PPAT: variants seen among roughly 807,000 people sequenced by gnomAD.
PPAT encodes amidophosphoribosyltransferase.
PPAT carries 20 observed loss-of-function variants against 60.2 expected under a neutral mutation model. That is an observed-to-expected ratio of 0.33 (90% CI 0.23 to 0.48). PPAT has a LOEUF of 0.48. PPAT is among the 20% of genes least tolerant of loss of function. The pLI, the probability that PPAT is intolerant of heterozygous loss-of-function variation, is 0.99. For synonymous variants in PPAT, 194 were observed against 215.1 expected (o/e 0.90, Z 0.86); for missense variants, 349 against 629.6 (o/e 0.55, Z 4.77).
At chr4:56,403,548 CT>C in intron 3 of PPAT, 147 bp from the exon 4 acceptor site, 2 of 621,308 alleles carry the variant, frequency 3.2e-6, no homozygotes, top group Non-Finnish European at 5.5e-6. Flanking sequence ...AGTCCCCAAC[CT>C]TTTTGGCACC....
In PPAT at chr4:56,407,720, T is replaced by C. The variant is rs1216949636; in HGVS notation, c.129-4A>G. 6.3e-7 allele frequency: 1 copy of C among 1,595,926 alleles called. No homozygotes were observed. Among genetic ancestry groups the C allele is most frequent in the Admixed American group, 1.7e-5 (1 of 59,996 alleles). The stretch of plus-strand genomic sequence containing the variant: ...AATACCAGCACTCTCCTGACCCCTG[T>C]GAATATAAAAAGATATTAGCTGTTA... On this transcript the variant is annotated splice_region_variant and splice_polypyrimidine_tract_variant and intron_variant, in intron 1 of 10. Transcript: ENST00000264220.
chr4:56,404,959 C>T (rs1458644171), intron 3 of PPAT, among the ~76,000 whole-genome samples: 2 of 152,190 alleles, frequency 1.3e-5, no homozygotes, highest in Middle Eastern at 3.4e-3. Flanking sequence ...CCATCTATTA[C>T]TAAATATCAC....
chr4:56,396,899 A>C lies in PPAT; in HGVS notation c.1237-160T>G. 1.7e-6 allele frequency: 1 copy of C among 597,136 alleles called. No homozygotes were observed. Among genetic ancestry groups the C allele is most frequent in the Non-Finnish European group, 2.6e-6 (1 of 387,796 alleles). 37.0% of individuals were successfully genotyped at this position (597,136 alleles called of 1,614,324 possible). On this transcript the variant is annotated intron_variant, in intron 9 of 10. Coordinates refer to ENST00000264220, the MANE Select transcript of PPAT (RefSeq NM_002703.5). This position sits in a 1 kb window ranked among gnomAD's most constrained non-coding sequence, Gnocchi z 4.6. ...TGCTTCTTGGTTTTTTTTTTCTTTC[A>C]CCTAATCATGAGGAAGTTTCTTTGT...
intron 9 of PPAT, among the ~76,000 whole-genome samples, chr4:56,398,646 C>T (rs887103602): frequency 6.6e-6 from 1 of 151,700 alleles, no homozygotes; most frequent in Admixed American, 6.6e-5. Context: ...AGGTGAGTTT[C>T]ACTATGTCGT....
Position 56,421,756 on chromosome 4 carries a change from G to C in PPAT, c.128+13594C>G, listed in dbSNP as rs374042502. 2.6e-5 allele frequency: 4 copies of C among 152,174 alleles called. 1 individual carries two copies. Among genetic ancestry groups the C allele is most frequent in the Admixed American group, 2.6e-4 (4 of 15,282 alleles). 9.4% of individuals were successfully genotyped at this position (152,174 alleles called of 1,614,324 possible). On this transcript the variant is annotated intron_variant, in intron 1 of 10. Transcript: ENST00000264220. The stretch of plus-strand genomic sequence containing the variant: ...CATCTCCCCCAGTTAGATGACTACA[G>C]ATAAAGCAGCCCAACAGCAGTGGCA...
chr4:56,407,631 T>G lies in PPAT; in HGVS notation c.195+19A>C. On this transcript the variant is annotated intron_variant, in intron 2 of 10. Coordinates refer to ENST00000264220, the MANE Select transcript of PPAT (RefSeq NM_002703.5). ...CCGCACTTGGTCTGTCATCAACATT[T>G]CTTAAAGTTCAAATTTACCTTGTGT... The G allele has an allele frequency of 6.3e-7, 1 of 1,579,420 alleles. No individual in the cohort carries two copies. The highest frequency in any genetic ancestry group is 8.7e-7 in the Non-Finnish European group (1 of 1,148,124).
chr4:56,408,418 A>G (rs1350986547), intron 1 of PPAT: 3 of 135,788 alleles, frequency 2.2e-5, no homozygotes, highest in Non-Finnish European at 4.6e-5. Flanking sequence ...TGGGCGACAG[A>G]GCGGAGACTC....
intron 1 of PPAT, among the ~76,000 whole-genome samples, chr4:56,418,981 T>C (rs766074513): frequency 1.3e-5 from 2 of 152,236 alleles, no homozygotes; most frequent in African/African-American, 4.8e-5. Flanking sequence ...TTAGTCTTTC[T>C]GTAATTTTCG....
At chr4:56,407,999 T>C (rs919809195) in intron 1 of PPAT, 3 of 316,304 alleles carry the variant, frequency 9.5e-6, no homozygotes, top group Admixed American at 4.2e-5. Context: ...TTAAAAGCTA[T>C]TGGAACCCCA....
chr4:56,396,883 GT>G lies in PPAT; in HGVS notation c.1237-145del, dbSNP rs553701803. ...ATTCTTTCTACAAAGCTGCTTCTTG[GT>G]TTTTTTTTTCTTTCACCTAATCATG... On this transcript the variant is annotated intron_variant, in intron 9 of 10. Coordinates refer to ENST00000264220, the MANE Select transcript of PPAT (RefSeq NM_002703.5). The surrounding 1 kb of genome is among the most constrained non-coding windows in gnomAD (Gnocchi z 4.6). 661 of 698,374 alleles carry G rather than the reference GT, an allele frequency of 9.5e-4. No homozygotes were observed. Among genetic ancestry groups the G allele is most frequent in the South Asian group, 1.8e-3 (52 of 28,618 alleles). The allele number at this position is 698,374 out of a possible 1,614,324, so 43.3% of individuals were successfully genotyped here. A position where few individuals can be genotyped will look rare whatever the true frequency, so the allele number is the denominator to read the frequency against.
intron 1 of PPAT, among the ~76,000 whole-genome samples, chr4:56,423,889 C>T (rs1345897154): frequency 6.6e-6 from 1 of 152,068 alleles, no homozygotes; most frequent in African/African-American, 2.4e-5. Context: ...TATATACCTA[C>T]TGATTCACAA....
intron 1 of PPAT, among the ~76,000 whole-genome samples, chr4:56,432,983 T>TAC (rs3986276): frequency 0.29 from 43,385 of 147,666 alleles, 6,971 homozygotes; most frequent in East Asian, 0.63. Flanking sequence ...CATATATACA[T>TAC]ACACACACGT....
Position 56,396,611 on chromosome 4 carries a change from A to G in PPAT, c.1357+8T>C. On this transcript the variant is annotated splice_region_variant and intron_variant, in intron 10 of 10. Transcript: ENST00000264220. The surrounding 1 kb of genome is among the most constrained non-coding windows in gnomAD (Gnocchi z 4.6). ...ATAATCAAAGTTTATAGAAATTTTA[A>G]TACTTACCTAGATATTCTGCAAGGT... is the stretch of plus-strand genomic sequence containing the variant. 1.3e-6 allele frequency: 2 copies of G among 1,596,850 alleles called. No homozygotes were observed. Among genetic ancestry groups the G allele is most frequent in the Non-Finnish European group, 1.7e-6 (2 of 1,169,234 alleles).
At chr4:56,404,628 C>G (rs1232524339) in intron 3 of PPAT, among the ~76,000 whole-genome samples, 1 of 152,114 alleles carries the variant, frequency 6.6e-6, no homozygotes, top group African/African-American at 2.4e-5. Flanking sequence ...GTGGTTATCT[C>G]TAAGTGGTGA....
chr4:56,426,947 CT>C (rs1386085999), intron 1 of PPAT, among the ~76,000 whole-genome samples: 1 of 152,180 alleles, frequency 6.6e-6, no homozygotes, highest in South Asian at 2.1e-4. Flanking sequence ...TCCTTTCCAT[CT>C]TTGTGAATTT....
intron 1 of PPAT, chr4:56,420,379 T>G (rs1031316354): frequency 6.6e-6 from 1 of 152,246 alleles, no homozygotes; most frequent in African/African-American, 2.4e-5. Context: ...TCAAAAAGTT[T>G]CAAATTTTGT....
intron 5 of PPAT, 116 bp from the exon 6 acceptor site, chr4:56,402,297 A>G (rs1716131519): frequency 1.5e-6 from 1 of 668,104 alleles, no homozygotes; most frequent in East Asian, 2.9e-5. Context: ...AGCCATTTCT[A>G]TGACTTTAAG....
intron 1 of PPAT, 28 bp downstream of exon 1, chr4:56,435,322 C>A: frequency 6.2e-7 from 1 of 1,612,252 alleles, no homozygotes; most frequent in East Asian, 2.2e-5. Flanking sequence ...GAGACGCACG[C>A]CCCCGCCACC....
intron 1 of PPAT, among the ~76,000 whole-genome samples, chr4:56,408,904 C>T (rs1716328206): frequency 1.3e-5 from 2 of 152,242 alleles, no homozygotes; most frequent in Middle Eastern, 3.4e-3. Context: ...ACTGCTGTAA[C>T]TGGGCGCGCT....
Sources: gnomAD v4.1 joint callset for allele counts (sites outside exome capture counted in the v4.1 genomes callset) on GRCh38, gnomAD v4.1.1 for gene constraint, Gnocchi (gnomAD v3.1) non-coding constraint, MANE v1.5 for transcripts, NCBI Gene and HGNC (gene_info 2026-07-23, HGNC 2026-07-21) for gene names.